The following CNTNAP2 variants were observed in gnomAD, a reference collection of about 807,000 sequenced individuals.
CNTNAP2 encodes the protein contactin-associated protein-like 2.
CNTNAP2 carries 98 observed loss-of-function variants against 155.2 expected under a neutral mutation model. That is an observed-to-expected ratio of 0.63 (90% CI 0.54 to 0.75). CNTNAP2 has a LOEUF of 0.75. Among genes scored for constraint, CNTNAP2 ranks in the 30% least tolerant of loss-of-function variants. The pLI is 0.00. For synonymous variants in CNTNAP2, 651 were observed against 631.2 expected (o/e 1.03, Z -0.47); for missense variants, 1,727 against 1,688.1 (o/e 1.02, Z -0.40).
intron 1 of CNTNAP2, among the ~76,000 whole-genome samples, chr7:146,358,046 A>T (rs558234411): frequency 2.7e-5 from 4 of 150,250 alleles, no homozygotes; most frequent in South Asian, 2.1e-4. Flanking sequence ...TTATTTATTT[A>T]TTTTTTGAGA....
At chr7:146,849,613 G>C (rs1197682957) in intron 3 of CNTNAP2, among the ~76,000 whole-genome samples, 1 of 152,064 alleles carries the variant, frequency 6.6e-6, no homozygotes, top group Non-Finnish European at 1.5e-5. Flanking sequence ...GTTGCCTTAG[G>C]TGTAAAAGCG....
intron 1 of CNTNAP2, among the ~76,000 whole-genome samples, chr7:146,265,313 T>C (rs1412283497): frequency 6.6e-6 from 1 of 152,200 alleles, no homozygotes; most frequent in Non-Finnish European, 1.5e-5. Context: ...GTTATAAAGA[T>C]GCAATTTTAA....
At chr7:148,117,994 C>G (rs1356155513) in intron 15 of CNTNAP2, 124 bp from the exon 16 acceptor site, 2 of 1,124,670 alleles carry the variant, frequency 1.8e-6, no homozygotes, top group African/African-American at 1.5e-5. Context: ...TGTTGTTCAA[C>G]AGAATGAGAG....
chr7:147,738,481 C>G (rs889756100), intron 13 of CNTNAP2, among the ~76,000 whole-genome samples: 2 of 152,108 alleles, frequency 1.3e-5, no homozygotes, highest in African/African-American at 4.8e-5. Context: ...TGGAAGTCAT[C>G]AAAATAGAGG....
intron 16 of CNTNAP2, among the ~76,000 whole-genome samples, chr7:148,128,518 A>G (rs1455281649): frequency 6.6e-6 from 1 of 152,192 alleles, no homozygotes; most frequent in Admixed American, 6.5e-5. Flanking sequence ...TTTTCATATA[A>G]TAGCTTTTTG....
At chr7:148,300,446 G>C (rs1797363399) in intron 21 of CNTNAP2, among the ~76,000 whole-genome samples, 1 of 152,066 alleles carries the variant, frequency 6.6e-6, no homozygotes, top group African/African-American at 2.4e-5. Context: ...TTACAGAAAG[G>C]ATAGTCTTTT....
At chr7:147,510,510 A>G (rs552225800) in intron 11 of CNTNAP2, among the ~76,000 whole-genome samples, 1 of 152,180 alleles carries the variant, frequency 6.6e-6, no homozygotes, top group Admixed American at 6.5e-5. Context: ...GTTCTGAATC[A>G]ATCATTTCAG....
intron 1 of CNTNAP2, among the ~76,000 whole-genome samples, chr7:146,128,744 T>C (rs1048293563): frequency 6.6e-6 from 1 of 152,132 alleles, no homozygotes; most frequent in African/African-American, 2.4e-5. Context: ...TTAAAGTGCT[T>C]ATAGCTAGGT....
At chr7:146,876,091 G>T (rs1159396472) in intron 3 of CNTNAP2, among the ~76,000 whole-genome samples, 2 of 151,846 alleles carry the variant, frequency 1.3e-5, no homozygotes, top group Admixed American at 1.3e-4. Context: ...ACTTTGTTTG[G>T]CAGATTGTTT....
chr7:147,045,779 G>T (rs1799344993), intron 4 of CNTNAP2, among the ~76,000 whole-genome samples: 1 of 151,956 alleles, frequency 6.6e-6, no homozygotes, highest in Non-Finnish European at 1.5e-5. Flanking sequence ...TTTGTTAAGA[G>T]CCATGTTTAA....
chr7:146,447,964 A>C (rs141341778), intron 1 of CNTNAP2, among the ~76,000 whole-genome samples: 221 of 152,112 alleles, frequency 1.5e-3, no homozygotes, highest in African/African-American at 5.0e-3. Flanking sequence ...TTTTATTAAT[A>C]ATATTGGCTT....
chr7:146,856,774 G>A (rs6962764), intron 3 of CNTNAP2, among the ~76,000 whole-genome samples: 37,865 of 151,978 alleles, frequency 0.25, 4,887 homozygotes, highest in Non-Finnish European at 0.29. Flanking sequence ...AACATTATGA[G>A]AAAACAAAAG....
intron 18 of CNTNAP2, chr7:148,190,359 T>C (rs1372396719): frequency 2.6e-5 from 4 of 152,156 alleles, no homozygotes; most frequent in Non-Finnish European, 5.9e-5. Context: ...TTAGAGATAA[T>C]GAAATAATTG....
intron 15 of CNTNAP2, among the ~76,000 whole-genome samples, chr7:147,998,112 T>C (rs1354531852): frequency 1.5e-5 from 2 of 130,776 alleles, no homozygotes; most frequent in East Asian, 2.6e-4. Context: ...TCTTTTTTTT[T>C]TTTTTTTTTT....
chr7:146,748,429 C>G (rs200025075), intron 1 of CNTNAP2, among the ~76,000 whole-genome samples: 18 of 151,860 alleles, frequency 1.2e-4, no homozygotes, highest in Admixed American at 2.6e-4. Flanking sequence ...ACAGGCGTGA[C>G]CCACCGCGCC....
intron 1 of CNTNAP2, among the ~76,000 whole-genome samples, chr7:146,618,358 T>C (rs971085632): frequency 1.3e-5 from 2 of 152,218 alleles, no homozygotes; most frequent in African/African-American, 4.8e-5. Context: ...GACTCATTAA[T>C]TGTACATTTT....
chr7:146,986,065 T>C (rs1318563654), intron 3 of CNTNAP2, among the ~76,000 whole-genome samples: 2 of 152,192 alleles, frequency 1.3e-5, no homozygotes, highest in Non-Finnish European at 2.9e-5. Context: ...GAGTAACTTC[T>C]TTAGTGGTGA....
At chr7:147,215,848 T>C (rs6950316) in intron 8 of CNTNAP2, among the ~76,000 whole-genome samples, 123,446 of 152,034 alleles carry the variant, frequency 0.81, 50,776 homozygotes, top group African/African-American at 0.95. Context: ...TCCTGGCCAA[T>C]ATTTGGTTTT....
At chr7:146,985,944 AT>A (rs200051811) in intron 3 of CNTNAP2, among the ~76,000 whole-genome samples, 1 of 151,884 alleles carries the variant, frequency 6.6e-6, no homozygotes, top group South Asian at 2.1e-4. Context: ...TTAAAAAAGG[AT>A]TTTTTTAAGA....
Sources: gnomAD v4.1 joint callset for allele counts (sites outside exome capture counted in the v4.1 genomes callset) on GRCh38, gnomAD v4.1.1 for gene constraint, MANE v1.5 for transcripts, NCBI Gene and HGNC (gene_info 2026-07-23, HGNC 2026-07-21) for gene names.